ANKRD30B: variants seen among roughly 807,000 people sequenced by gnomAD.
ANKRD30B encodes ankyrin repeat domain 30B.
Under a neutral mutation model 202.2 loss-of-function variants are expected in ANKRD30B, and 144 were observed. The observed-to-expected ratio is 0.71, with a 90% CI of 0.62 to 0.82. The LOEUF (loss-of-function observed/expected upper bound fraction) is 0.82. Ranked by LOEUF, ANKRD30B falls within the 40% of genes least tolerant of loss-of-function variation. The pLI, the probability that ANKRD30B is intolerant of heterozygous loss-of-function variation, is 0.00. For synonymous variants in ANKRD30B, 508 were observed against 561.3 expected (o/e 0.91, Z 1.34); for missense variants, 1,487 against 1,669.1 (o/e 0.89, Z 1.90).
the ANKRD30B span, among the ~76,000 whole-genome samples, chr18:14,929,531 A>G: frequency 1.3e-5 from 2 of 152,220 alleles, no homozygotes; most frequent in African/African-American, 4.8e-5. Flanking sequence ...TCAGGCCTAT[A>G]TAAGCTCAAA....
the ANKRD30B span, among the ~76,000 whole-genome samples, chr18:14,893,833 A>T: frequency 6.6e-6 from 1 of 151,116 alleles, no homozygotes; most frequent in Non-Finnish European, 1.5e-5. Context: ...ATTTGTGCTT[A>T]AGAGAAGTTT....
chr18:14,756,840 T>C (rs1241512101), intron 4 of ANKRD30B, among the ~76,000 whole-genome samples: 4 of 152,078 alleles, frequency 2.6e-5, no homozygotes, highest in Non-Finnish European at 1.5e-5. Flanking sequence ...TGCAGTGAGC[T>C]GAGATCATGC....
At chr18:14,818,189 A>T (rs1477597615) in intron 30 of ANKRD30B, among the ~76,000 whole-genome samples, 2 of 152,170 alleles carry the variant, frequency 1.3e-5, no homozygotes, top group Admixed American at 1.3e-4. Flanking sequence ...TTTTCATAAC[A>T]GTGTTTTAGC....
chr18:14,827,018 A>G (rs1355039371), intron 32 of ANKRD30B, among the ~76,000 whole-genome samples: 2 of 152,176 alleles, frequency 1.3e-5, no homozygotes, highest in Admixed American at 6.5e-5. Context: ...GTGAGATGAT[A>G]TAATGCCTAT....
At chr18:14,851,240 T>G (rs193232557) in intron 41 of ANKRD30B, among the ~76,000 whole-genome samples, 2,216 of 151,448 alleles carry the variant, frequency 0.015, 61 homozygotes, top group African/African-American at 0.051. Flanking sequence ...AGGGAAAGTT[T>G]TTTTTTTTTT....
At chr18:14,810,215 A>G (rs935798918) in intron 28 of ANKRD30B, 35 bp downstream of exon 28, 4 of 1,229,936 alleles carry the variant, frequency 3.3e-6, no homozygotes, top group Non-Finnish European at 4.5e-6. Flanking sequence ...CTCTGGAATT[A>G]AGAATATTAA....
At chr18:14,843,710 C>T (rs1036583212) in intron 39 of ANKRD30B, among the ~76,000 whole-genome samples, 1 of 152,050 alleles carries the variant, frequency 6.6e-6, no homozygotes, top group Non-Finnish European at 1.5e-5. Context: ...AGGAGAATGG[C>T]GTGAACCCTG....
chr18:14,903,174 T>G, the ANKRD30B span, among the ~76,000 whole-genome samples: 1 of 152,182 alleles, frequency 6.6e-6, no homozygotes, highest in Non-Finnish European at 1.5e-5. Flanking sequence ...TCTGTAGTCA[T>G]GCAGGGGCCA....
chr18:14,768,925 A>C (rs1916675212), intron 7 of ANKRD30B, among the ~76,000 whole-genome samples: 1 of 152,108 alleles, frequency 6.6e-6, no homozygotes, highest in Admixed American at 6.6e-5. Context: ...GATAAATTCT[A>C]TTTTTCCGTG....
chr18:14,763,588 T>G, intron 6 of ANKRD30B, 98 bp from the exon 7 acceptor site: 1 of 1,498,524 alleles, frequency 6.7e-7, no homozygotes, highest in Non-Finnish European at 9.0e-7. Context: ...TGGTAATATT[T>G]AAGGAAAGCA....
At chr18:14,906,366 T>C in the ANKRD30B span, among the ~76,000 whole-genome samples, 1 of 152,160 alleles carries the variant, frequency 6.6e-6, no homozygotes, top group African/African-American at 2.4e-5. Context: ...CTCCCATGTT[T>C]CTTGAATGAC....
At chr18:14,865,752 G>T in the ANKRD30B span, among the ~76,000 whole-genome samples, 4 of 151,166 alleles carry the variant, frequency 2.6e-5, no homozygotes, top group African/African-American at 9.7e-5. Flanking sequence ...CTTTCCTACC[G>T]CTCCAGCCAC....
intron 37 of ANKRD30B, 117 bp from the exon 38 acceptor site, chr18:14,842,780 C>T (rs1374685342): frequency 9.0e-6 from 9 of 1,000,942 alleles, no homozygotes; most frequent in Middle Eastern, 5.3e-4. Flanking sequence ...CCCCCTAAAC[C>T]TAAAGGAATC....
chr18:14,844,485 G>A (rs948890143), intron 39 of ANKRD30B, among the ~76,000 whole-genome samples: 1 of 152,190 alleles, frequency 6.6e-6, no homozygotes, highest in African/African-American at 2.4e-5. Flanking sequence ...GTCTATCATT[G>A]ATGGGCATTT....
chr18:14,846,093 A>G (rs1971627259), intron 39 of ANKRD30B, among the ~76,000 whole-genome samples: 1 of 150,150 alleles, frequency 6.7e-6, no homozygotes, highest in Non-Finnish European at 1.5e-5. Flanking sequence ...TAGCTTCTTC[A>G]GGTAAAAGTC....
At chr18:14,754,835 G>A in intron 3 of ANKRD30B, 64 bp from the exon 4 acceptor site, 1 of 1,110,730 alleles carries the variant, frequency 9.0e-7, no homozygotes, top group South Asian at 2.2e-5. Context: ...TATAATATAA[G>A]GTATTCAGTT....
intron 15 of ANKRD30B, among the ~76,000 whole-genome samples, chr18:14,788,542 C>T (rs1056215898): frequency 2.2e-4 from 34 of 152,050 alleles, no homozygotes; most frequent in African/African-American, 6.3e-4. Context: ...TATCCCTCCC[C>T]GCTCCCCCCA....
intron 7 of ANKRD30B, among the ~76,000 whole-genome samples, 176 bp from the exon 8 acceptor site, chr18:14,769,167 C>T (rs1019187749): frequency 6.6e-6 from 1 of 152,176 alleles, no homozygotes; most frequent in Non-Finnish European, 1.5e-5. Context: ...TGAAGTCTCG[C>T]AATGTCTCCT....
chr18:14,755,329 C>G (rs1334297335), intron 4 of ANKRD30B, among the ~76,000 whole-genome samples: 3 of 151,982 alleles, frequency 2.0e-5, no homozygotes, highest in Non-Finnish European at 4.4e-5. Flanking sequence ...CTTTATAATT[C>G]AATATTGAAT....
Sources: allele counts gnomAD v4.1 joint callset (sites outside exome capture counted in the v4.1 genomes callset), GRCh38; gene constraint gnomAD v4.1.1; transcripts MANE v1.5; gene names NCBI Gene and HGNC (gene_info 2026-07-23, HGNC 2026-07-21).